SLC6A7: variants seen among roughly 807,000 people sequenced by gnomAD.
The protein encoded by SLC6A7 is sodium-dependent proline transporter.
SLC6A7 carries 58 observed loss-of-function variants against 73.1 expected under a neutral mutation model. The observed-to-expected ratio is 0.79, with a 90% CI of 0.64 to 0.99. The LOEUF (loss-of-function observed/expected upper bound fraction) is 0.99, where lower values mean the gene tolerates loss of function less well. SLC6A7 is among the 50% of genes least tolerant of loss of function. The pLI is 0.00. For synonymous variants in SLC6A7, 338 were observed against 338.7 expected, an observed-to-expected ratio of 1.00 and a Z score of 0.02; for missense variants, 783 against 831.4, an observed-to-expected ratio of 0.94 and a Z score of 0.72.
intron 1 of SLC6A7, 29 bp downstream of exon 1, chr5:150,190,389 G>A (rs1752721053): frequency 6.8e-7 from 1 of 1,470,432 alleles, no homozygotes; most frequent in African/African-American, 1.5e-5. Flanking sequence ...GGCGCTGGGG[G>A]TGCACCTGGA....
intron 1 of SLC6A7, among the ~76,000 whole-genome samples, chr5:150,193,452 T>G (rs1412133321): frequency 6.6e-6 from 1 of 152,152 alleles, no homozygotes; most frequent in African/African-American, 2.4e-5. Context: ...CACCCAGCCC[T>G]CAGGCTCTCC....
At chr5:150,207,705 C>T (rs1179771333) in intron 13 of SLC6A7, among the ~76,000 whole-genome samples, 1 of 152,200 alleles carries the variant, frequency 6.6e-6, no homozygotes, top group Non-Finnish European at 1.5e-5. Flanking sequence ...CCTTGGCCAA[C>T]TTAACTGATC....
At chr5:150,201,050 G>T (rs199574787) in intron 5 of SLC6A7, 39 bp from the exon 6 acceptor site, 2 of 1,609,732 alleles carry the variant, frequency 1.2e-6, no homozygotes, top group Non-Finnish European at 1.7e-6. Flanking sequence ...CTGAGTCAAG[G>T]TCCCCGATGC....
At position 150,209,937 on chromosome 5, in the gene SLC6A7, C is replaced by A. The variant is rs1425945260; in HGVS notation, c.*322C>A. 8.2e-6 allele frequency: 3 copies of A among 366,008 alleles called. No individual in the cohort carries two copies. Among genetic ancestry groups the A allele is most frequent in the Non-Finnish European group, 5.2e-6 (1 of 193,948 alleles). 22.7% of individuals were successfully genotyped at this position (366,008 alleles called of 1,614,324 possible). ...GTCGCATGGCAGAGGGGACTTGAAC[C>A]CACGCCTCCTGACCAGCCAGCTCCC... is the stretch of plus-strand genomic sequence containing the variant. On this transcript the variant is annotated 3_prime_UTR_variant, in exon 14 of 14. Coordinates refer to ENST00000230671, the MANE Select transcript of SLC6A7 (RefSeq NM_014228.5).
intron 1 of SLC6A7, among the ~76,000 whole-genome samples, chr5:150,193,671 TC>T (rs1752884961): frequency 6.6e-6 from 1 of 152,140 alleles, no homozygotes; most frequent in African/African-American, 2.4e-5. Flanking sequence ...CTCCAAGTCC[TC>T]TCCTTTCTAT....
intron 1 of SLC6A7, among the ~76,000 whole-genome samples, chr5:150,191,589 C>T (rs1221766380): frequency 5.3e-5 from 8 of 152,134 alleles, no homozygotes; most frequent in Admixed American, 5.2e-4. Flanking sequence ...CGCCACCACG[C>T]CTGGCTAATG....
intron 8 of SLC6A7, among the ~76,000 whole-genome samples, chr5:150,203,452 T>G (rs889317701): frequency 2.6e-5 from 4 of 152,216 alleles, no homozygotes; most frequent in Non-Finnish European, 5.9e-5. Context: ...TGGGGTCTTG[T>G]GTTTGTTTAT....
At chr5:150,197,348 C>T (rs1753088289) in intron 4 of SLC6A7, 72 bp downstream of exon 4, 2 of 1,010,814 alleles carry the variant, frequency 2.0e-6, no homozygotes, top group African/African-American at 1.6e-5. Flanking sequence ...GGGCATCCCC[C>T]ACAGTCTCAG....
chr5:150,199,276 G>A lies in SLC6A7; in HGVS notation c.633G>A (p.Gly211=). ...IQGSQGIGSP[G]EIRWNLCLCL... is the part of the protein sequence containing the mutation. ...GCAGCCAGGGCATCGGCAGCCCTGG[G>A]GAGATCCGCTGGAACCTCTGCCTCT... is the stretch of plus-strand genomic sequence containing the variant. The change falls in exon 5 of 14, where the codon GGG becomes GGA. Residue 211 remains glycine, a synonymous_variant. Transcript: ENST00000230671. 1 of 1,613,932 alleles carries A rather than the reference G, an allele frequency of 6.2e-7. No individual in the cohort carries two copies.
rs778477016 is a variant in SLC6A7 at position 150,204,047 on chromosome 5, C to T, written c.1332+9C>T. 9 of 1,610,876 alleles carry T rather than the reference C, an allele frequency of 5.6e-6. No homozygotes were observed. The highest frequency in any genetic ancestry group is 1.6e-4 in the Middle Eastern group (1 of 6,072). On this transcript the variant is annotated intron_variant, in intron 10 of 13. Transcript: ENST00000230671. ...TGATCCTCACCACTGATGTGAGTGG[C>T]GCTACAGGGAGGATGGCAGGTGGGC...
intron 4 of SLC6A7, 139 bp from the exon 5 acceptor site, chr5:150,199,089 C>A: frequency 8.4e-7 from 1 of 1,186,088 alleles, no homozygotes; most frequent in Non-Finnish European, 1.1e-6. Flanking sequence ...CAGAGTTGGT[C>A]GGAGAAGGAT....
intron 12 of SLC6A7, 34 bp downstream of exon 12, chr5:150,204,961 G>T (rs1753609158): frequency 1.5e-6 from 2 of 1,343,662 alleles, no homozygotes; most frequent in South Asian, 2.4e-5. Context: ...TTCTGGCTGG[G>T]GCCCCAGAAT....
chr5:150,205,133 C>T (rs552455023), intron 12 of SLC6A7, among the ~76,000 whole-genome samples: 3 of 152,230 alleles, frequency 2.0e-5, no homozygotes, highest in Non-Finnish European at 2.9e-5. Context: ...TGGTTAAATG[C>T]GTGGGTCTTT....
chr5:150,209,707 G>C lies in SLC6A7; in HGVS notation c.*92G>C. Reference sequence around the variant, plus strand: ...GGTCAGCTGTGCCCTCTGGGATTCTGAGAGGCTATGGGGGGGCCTGCCATA... The same window carrying C: ...GGTCAGCTGTGCCCTCTGGGATTCTCAGAGGCTATGGGGGGGCCTGCCATA... On this transcript the variant is annotated 3_prime_UTR_variant, in exon 14 of 14. Coordinates refer to ENST00000230671, the MANE Select transcript of SLC6A7 (RefSeq NM_014228.5). 2 of 1,065,366 alleles carry C rather than the reference G, an allele frequency of 1.9e-6. No homozygotes were observed. Among genetic ancestry groups the C allele is most frequent in the Non-Finnish European group, 1.4e-6 (1 of 716,638 alleles). 66.0% of individuals were successfully genotyped at this position (1,065,366 alleles called of 1,614,324 possible).
chr5:150,196,748 G>A lies in SLC6A7; in HGVS notation c.250G>A (p.Ala84Thr), dbSNP rs1362991118. Residue 84 changes from alanine (A) to threonine (T), a missense_variant, in exon 3 of 14, where the codon GCC (alanine) becomes ACC (threonine). By Grantham distance (58) the Ala-to-Thr change is moderately conservative. Transcript: ENST00000230671. ...AFLVPYFLML[A>T]ICGIPLFFLE... ...CCTCGTGCCCTACTTCCTCATGCTG[G>A]CCATCTGTGGCATCCCCCTCTTCTT... 6.2e-7 allele frequency: 1 copy of A among 1,614,028 alleles called. No homozygotes were observed. Among genetic ancestry groups the A allele is most frequent in the South Asian group, 1.1e-5 (1 of 91,076 alleles).
In SLC6A7 at chr5:150,197,281, G is replaced by A. The variant is rs1476840044; in HGVS notation, c.584+5G>A. The A allele has an allele frequency of 4.4e-6, 7 of 1,581,076 alleles. No individual in the cohort carries two copies. The highest frequency in any genetic ancestry group is 6.0e-6 in the Non-Finnish European group (7 of 1,157,932). Reference sequence around the variant, plus strand: ...CCCCAGCGAGGAGTACTGGAGGTCAGGCAGCTGCTGGCCCCGCGGCATCTG... The same window carrying A: ...CCCCAGCGAGGAGTACTGGAGGTCAAGCAGCTGCTGGCCCCGCGGCATCTG... On this transcript the variant is annotated splice_donor_5th_base_variant and intron_variant, in intron 4 of 13. Transcript: ENST00000230671.
intron 12 of SLC6A7, among the ~76,000 whole-genome samples, 163 bp from the exon 13 acceptor site, chr5:150,205,293 G>T (rs1446240219): frequency 8.9e-6 from 1 of 112,144 alleles, no homozygotes; most frequent in African/African-American, 3.4e-5. Flanking sequence ...AACCCTCAAA[G>T]GCTCCAAAGA....
chr5:150,207,523 T>A (rs1753761965), intron 13 of SLC6A7, among the ~76,000 whole-genome samples: 1 of 152,226 alleles, frequency 6.6e-6, no homozygotes, highest in Non-Finnish European at 1.5e-5. Flanking sequence ...ATTAAGTGTC[T>A]TTGTCTTTAA....
Position 150,209,875 on chromosome 5 carries a change from G to A in SLC6A7, c.*260G>A. 1.9e-6 allele frequency: 1 copy of A among 517,400 alleles called. No individual in the cohort carries two copies. The highest frequency in any genetic ancestry group is 1.9e-5 in the African/African-American group (1 of 52,462). The allele number at this position is 517,400 out of a possible 1,614,324, so 32.1% of individuals were successfully genotyped here. A position where few individuals can be genotyped will look rare whatever the true frequency, so the allele number is the denominator to read the frequency against. ...CCAACTCAGCCCTACTTTGCGGATG[G>A]ACATATTAAGGCCAGGAGGGGAGGG... On this transcript the variant is annotated 3_prime_UTR_variant, in exon 14 of 14. Transcript: ENST00000230671.
Sources: allele counts gnomAD v4.1 joint callset (sites outside exome capture counted in the v4.1 genomes callset), GRCh38; gene constraint gnomAD v4.1.1; transcripts MANE v1.5; gene names NCBI Gene and HGNC (gene_info 2026-07-23, HGNC 2026-07-21).